The following GALNT16 variants were observed in gnomAD, a reference collection of about 807,000 sequenced individuals.
GALNT16 encodes the protein polypeptide N-acetylgalactosaminyltransferase 16.
GALNT16 carries 40 observed loss-of-function variants against 76.1 expected under a neutral mutation model. That is an observed-to-expected ratio of 0.53 (90% CI 0.41 to 0.68). The LOEUF (loss-of-function observed/expected upper bound fraction) is 0.68, where lower values mean the gene tolerates loss of function less well. Ranked by LOEUF, GALNT16 falls within the 30% of genes least tolerant of loss-of-function variation. The pLI is 0.00. For missense variants in GALNT16, 621 were observed against 731.9 expected (o/e 0.85, Z 1.75); for synonymous variants, 276 against 285.2 (o/e 0.97, Z 0.32).
chr14:69,330,237 C>A (rs892131955), intron 6 of GALNT16, among the ~76,000 whole-genome samples: 1 of 152,072 alleles, frequency 6.6e-6, no homozygotes, highest in Admixed American at 6.6e-5. Context: ...ACAGAATTAT[C>A]CAGACATTAA....
At chr14:69,282,953 AC>A (rs2044563649) in intron 1 of GALNT16, among the ~76,000 whole-genome samples, 1 of 152,138 alleles carries the variant, frequency 6.6e-6, no homozygotes. Context: ...GGTGTGAGCC[AC>A]TGCACCTGGC....
the GALNT16 span, among the ~76,000 whole-genome samples, chr14:69,383,869 C>T: frequency 1.3e-5 from 2 of 152,028 alleles, no homozygotes; most frequent in South Asian, 4.1e-4. Context: ...CTAATGCAGC[C>T]GGGCACAGTT....
At chr14:69,351,950 C>G (rs1216109035) in intron 14 of GALNT16, 81 bp from the exon 15 acceptor site, 2 of 1,332,898 alleles carry the variant, frequency 1.5e-6, no homozygotes, top group African/African-American at 2.9e-5. Flanking sequence ...TGTGTGCATA[C>G]ATGTGGAATG....
the GALNT16 span, among the ~76,000 whole-genome samples, chr14:69,375,820 TAG>T: frequency 2.0e-5 from 3 of 152,284 alleles, 1 homozygote; most frequent in East Asian, 3.9e-4. Flanking sequence ...TTTTATTTCG[TAG>T]AGACAGGGTC....
chr14:69,362,494 C>G, the GALNT16 span, among the ~76,000 whole-genome samples: 1 of 152,206 alleles, frequency 6.6e-6, no homozygotes, highest in African/African-American at 2.4e-5. Context: ...TATTTCTTGG[C>G]TGGTTTTCTG....
chr14:69,302,131 G>C (rs946103795), intron 1 of GALNT16, among the ~76,000 whole-genome samples: 4 of 152,108 alleles, frequency 2.6e-5, no homozygotes, highest in African/African-American at 9.7e-5. Flanking sequence ...ATAACTCCCT[G>C]ATTTAATAAT....
intron 1 of GALNT16, among the ~76,000 whole-genome samples, chr14:69,294,876 G>A (rs375809485): frequency 5.3e-5 from 8 of 152,232 alleles, no homozygotes; most frequent in Admixed American, 1.3e-4. Flanking sequence ...AGGACACCGC[G>A]CTGGCTCACA....
At chr14:69,262,849 C>T (rs1279795698) in intron 1 of GALNT16, among the ~76,000 whole-genome samples, 1 of 151,906 alleles carries the variant, frequency 6.6e-6, no homozygotes, top group East Asian at 1.9e-4. Flanking sequence ...CCTTGCATCC[C>T]CACATTGATG....
At chr14:69,364,851 G>A in the GALNT16 span, among the ~76,000 whole-genome samples, 1,671 of 152,192 alleles carry the variant, frequency 0.011, 31 homozygotes, top group African/African-American at 0.036. The surrounding 1 kb of genome is among the most constrained non-coding windows in gnomAD (Gnocchi z 4.2). Flanking sequence ...GATGGAACCC[G>A]CTTTTCAGGA....
At chr14:69,376,047 T>A in the GALNT16 span, among the ~76,000 whole-genome samples, 1 of 152,114 alleles carries the variant, frequency 6.6e-6, no homozygotes, top group Non-Finnish European at 1.5e-5. Flanking sequence ...GTCATACTTT[T>A]TATTTTTGAG....
the GALNT16 span, among the ~76,000 whole-genome samples, chr14:69,384,558 G>A: frequency 0.015 from 2,257 of 152,208 alleles, 31 homozygotes; most frequent in African/African-American, 0.028. Context: ...TCCCAAAAGC[G>A]TCAGGATTAC....
chr14:69,296,917 C>G (rs2044775745), intron 1 of GALNT16, among the ~76,000 whole-genome samples: 1 of 152,320 alleles, frequency 6.6e-6, no homozygotes, highest in Admixed American at 6.5e-5. Flanking sequence ...TTCTTTTTCA[C>G]TTAATAGTAT....
chr14:69,352,321 T>C lies in GALNT16; in HGVS notation c.*153T>C. The stretch of plus-strand genomic sequence containing the variant: ...CACCATGACACACGTTCTCCAAAGC[T>C]TGTTCTAGGAGGGCGCAGGCGGGCA... On this transcript the variant is annotated 3_prime_UTR_variant, in exon 15 of 15. Transcript: ENST00000448469. 1.3e-6 allele frequency: 1 copy of C among 753,392 alleles called. No homozygotes were observed. 46.7% of individuals were successfully genotyped at this position (753,392 alleles called of 1,614,324 possible).
intron 1 of GALNT16, 43 bp from the exon 2 acceptor site, chr14:69,320,668 T>A: frequency 6.3e-7 from 1 of 1,582,924 alleles, no homozygotes. Context: ...AGCAGTGGGG[T>A]CCTCCTGCCT....
the GALNT16 span, among the ~76,000 whole-genome samples, chr14:69,373,071 T>G: frequency 2.0e-5 from 3 of 152,164 alleles, no homozygotes; most frequent in Middle Eastern, 3.2e-3. Context: ...CCAGGGGCAT[T>G]GCAGGGCAAG....
chr14:69,311,503 C>T (rs187923554), intron 1 of GALNT16, among the ~76,000 whole-genome samples: 19 of 152,258 alleles, frequency 1.2e-4, no homozygotes, highest in Non-Finnish European at 2.4e-4. Flanking sequence ...CTGATTTTTC[C>T]CAAGTTCTCC....
At chr14:69,362,737 C>T in the GALNT16 span, among the ~76,000 whole-genome samples, 239 of 152,346 alleles carry the variant, frequency 1.6e-3, 1 homozygote, top group East Asian at 0.011. Flanking sequence ...CCTCAGGATA[C>T]GTTTATGCGA....
At chr14:69,269,209 G>A (rs528175457) in intron 1 of GALNT16, among the ~76,000 whole-genome samples, 5 of 152,232 alleles carry the variant, frequency 3.3e-5, no homozygotes, top group African/African-American at 7.2e-5. Context: ...GTGTAGGTTC[G>A]TTGGAAAATG....
intron 1 of GALNT16, among the ~76,000 whole-genome samples, chr14:69,296,400 A>G (rs2044760013): frequency 1.3e-5 from 2 of 152,160 alleles, no homozygotes; most frequent in Non-Finnish European, 2.9e-5. Flanking sequence ...GAAAATATAA[A>G]TATATAGTCT....
Sources: gnomAD v4.1 joint callset for allele counts (sites outside exome capture counted in the v4.1 genomes callset) on GRCh38, gnomAD v4.1.1 for gene constraint, Gnocchi (gnomAD v3.1) non-coding constraint, MANE v1.5 for transcripts, NCBI Gene and HGNC (gene_info 2026-07-23, HGNC 2026-07-21) for gene names.